The following PALMD variants were observed in gnomAD, a reference collection of about 807,000 sequenced individuals.
PALMD encodes the protein paralemmin-like protein.
PALMD carries 42 observed loss-of-function variants against 56.2 expected under a neutral mutation model. That is an observed-to-expected ratio of 0.75 (90% CI 0.58 to 0.97). The LOEUF is 0.97. Ranked by LOEUF, PALMD falls within the 50% of genes least tolerant of loss-of-function variation. PALMD has a pLI of 0.00. For synonymous variants in PALMD, 242 were observed against 222.9 expected, an observed-to-expected ratio of 1.09 and a Z score of -0.76; for missense variants, 660 against 643.8, an observed-to-expected ratio of 1.03 and a Z score of -0.27.
chr1:99,667,521 G>A lies in PALMD; in HGVS notation c.127-121G>A, dbSNP rs575074793. 5.4e-4 allele frequency: 449 copies of A among 824,006 alleles called. 3 individuals are homozygous for A. In the East Asian group the frequency reaches 9.9e-3, roughly 18 times the overall value. The allele number at this position is 824,006 out of a possible 1,614,324, so 51.0% of individuals were successfully genotyped here. A position where few individuals can be genotyped will look rare whatever the true frequency, so the allele number is the denominator to read the frequency against. ...ACCAGATTTATTCAGGCAAGGCACT[G>A]ACAGAAAATAATTCCTCTTTAACGT... On this transcript the variant is annotated intron_variant, in intron 2 of 7. Coordinates refer to ENST00000263174, the MANE Select transcript of PALMD (RefSeq NM_017734.5).
chr1:99,679,837 G>A (rs1004910040), intron 3 of PALMD, among the ~76,000 whole-genome samples: 1 of 152,132 alleles, frequency 6.6e-6, no homozygotes, highest in African/African-American at 2.4e-5. Context: ...ACTCTGGGCC[G>A]GTTGCCTTTC....
intron 2 of PALMD, 36 bp downstream of exon 2, chr1:99,662,435 G>T: frequency 8.3e-7 from 1 of 1,204,552 alleles, no homozygotes; most frequent in Non-Finnish European, 1.2e-6. Flanking sequence ...CAATGATTTT[G>T]TATTCAAAAA....
chr1:99,667,538 C>T, intron 2 of PALMD, 104 bp from the exon 3 acceptor site: 2 of 916,746 alleles, frequency 2.2e-6, no homozygotes, highest in Admixed American at 4.1e-5. Context: ...AATAATTCCT[C>T]TTTAACGTGT....
chr1:99,661,728 A>G (rs191175914), intron 1 of PALMD, among the ~76,000 whole-genome samples: 5 of 152,326 alleles, frequency 3.3e-5, no homozygotes, highest in Admixed American at 3.3e-4. Flanking sequence ...TTGGTGAAAG[A>G]TACAACATAT....
intron 1 of PALMD, 88 bp from the exon 2 acceptor site, chr1:99,662,231 C>T (rs979116768): frequency 4.2e-5 from 30 of 711,380 alleles, no homozygotes; most frequent in Non-Finnish European, 5.7e-5. Context: ...ATATCAGTAA[C>T]GGGCCATTCA....
chr1:99,689,575 A>G lies in PALMD; in HGVS notation c.1315A>G (p.Ile439Val), dbSNP rs776184302. The G allele has an allele frequency of 1.2e-6, 2 of 1,613,806 alleles. No individual in the cohort carries two copies. Among genetic ancestry groups the G allele is most frequent in the Admixed American group, 3.3e-5 (2 of 59,916 alleles). The change falls in exon 7 of 8, where the codon ATC becomes GTC. Residue 439 changes from isoleucine (I) to valine (V), a missense_variant. Ile to Val is a conservative substitution (Grantham distance 29, BLOSUM62 3). Transcript: ENST00000263174. ...DKKFLTGYDG[I>V]IHAELVVIDD... ...GAAGTTTCTGACAGGATATGATGGG[A>G]TCATCCATGCTGAGCTGGTTGTGAT...
chr1:99,681,508 AC>A (rs1653346618), intron 3 of PALMD, among the ~76,000 whole-genome samples: 1 of 152,156 alleles, frequency 6.6e-6, no homozygotes, highest in Non-Finnish European at 1.5e-5. Flanking sequence ...AGATACACAA[AC>A]GTATATGTAT....
intron 3 of PALMD, chr1:99,684,689 T>A (rs1021331110): frequency 2.6e-5 from 4 of 152,144 alleles, no homozygotes; most frequent in Admixed American, 2.0e-4. Flanking sequence ...TAATTTTTTT[T>A]AATATTTGTA....
intron 3 of PALMD, among the ~76,000 whole-genome samples, chr1:99,680,763 C>A (rs1373775769): frequency 1.3e-5 from 2 of 152,030 alleles, no homozygotes; most frequent in South Asian, 2.1e-4. Flanking sequence ...TGTATATACA[C>A]CCACACATAA....
chr1:99,692,925 A>G (rs962103471), intron 7 of PALMD, among the ~76,000 whole-genome samples: 1 of 152,200 alleles, frequency 6.6e-6, no homozygotes, highest in African/African-American at 2.4e-5. Flanking sequence ...ACTAGAACTG[A>G]TCATCCCTGT....
Position 99,688,870 on chromosome 1 carries a change from G to C in PALMD, c.610G>C (p.Gly204Arg), listed in dbSNP as rs142371450. 1.2e-6 allele frequency: 2 copies of C among 1,613,418 alleles called. No homozygotes were observed. The highest frequency in any genetic ancestry group is 4.5e-5 in the East Asian group (2 of 44,862). Residue 204 changes from glycine to arginine, a missense_variant, in exon 7 of 8, where the codon GGT becomes CGT. Gly to Arg is a moderately radical substitution (Grantham distance 125). Transcript: ENST00000263174. ...SIPLPSDDFKGTGIKVYDDGQ... is the reference protein window; with the variant it reads ...SIPLPSDDFKRTGIKVYDDGQ... ...ACCTCTGCCATCAGATGACTTTAAA[G>C]GTACAGGAATAAAAGTTTATGATGA...
At chr1:99,647,190 A>C (rs528834776) in intron 1 of PALMD, among the ~76,000 whole-genome samples, 4 of 152,268 alleles carry the variant, frequency 2.6e-5, no homozygotes, top group African/African-American at 9.6e-5. Flanking sequence ...CCTAGCTATA[A>C]CTTTTGATGT....
At position 99,689,247 on chromosome 1, in the gene PALMD, C is replaced by A; in HGVS notation, c.987C>A (p.Pro329=). ...HISPIPPVPH[P]RSVIQQAEEK... ...GTCCCATTCCGCCAGTGCCTCATCC[C>A]CGATCAGTGATTCAACAAGCAGAAG... Residue 329 remains proline, a synonymous_variant, in exon 7 of 8, where the codon CCC becomes CCA. Transcript: ENST00000263174. 1.2e-6 allele frequency: 2 copies of A among 1,613,580 alleles called. No individual in the cohort carries two copies. The highest frequency in any genetic ancestry group is 1.7e-6 in the Non-Finnish European group (2 of 1,179,830).
chr1:99,653,845 G>A (rs939420808), intron 1 of PALMD, among the ~76,000 whole-genome samples: 3 of 152,010 alleles, frequency 2.0e-5, no homozygotes, highest in African/African-American at 7.2e-5. Flanking sequence ...CATGACTCCT[G>A]CCACTGAAGC....
chr1:99,681,841 C>T (rs570766331), intron 3 of PALMD, among the ~76,000 whole-genome samples: 6 of 152,288 alleles, frequency 3.9e-5, no homozygotes, highest in Non-Finnish European at 5.9e-5. Context: ...GGAACAAAAT[C>T]GCCTCTGGTT....
intron 3 of PALMD, among the ~76,000 whole-genome samples, chr1:99,675,795 C>A (rs1333805329): frequency 1.3e-5 from 2 of 152,150 alleles, no homozygotes; most frequent in East Asian, 1.9e-4. Context: ...CCTCAATTTG[C>A]AAAATATTGT....
In PALMD at chr1:99,667,676, G is replaced by A; in HGVS notation, c.161G>A (p.Gly54Glu). The A allele has an allele frequency of 1.2e-6, 2 of 1,612,930 alleles. No homozygotes were observed. Among genetic ancestry groups the A allele is most frequent in the Non-Finnish European group, 1.7e-6 (2 of 1,179,068 alleles). The change falls in exon 3 of 8, where the codon GGA becomes GAA. Residue 54 changes from glycine (G) to glutamate (E), a missense_variant. Physicochemically the swap from Gly to Glu is moderately conservative, Grantham distance 98 (BLOSUM62 -2). Transcript: ENST00000263174. Reference protein sequence around the residue: ...KALREKWLLDGISSGKEQEEM... With the variant: ...KALREKWLLDEISSGKEQEEM... ...TTGAGGGAGAAATGGCTTCTAGATGGAATCAGCAGCGGAAAAGAACAGGAA... is the reference window on the plus strand; with the variant it reads ...TTGAGGGAGAAATGGCTTCTAGATGAAATCAGCAGCGGAAAAGAACAGGAA...
chr1:99,690,944 A>G (rs777440297), intron 7 of PALMD, among the ~76,000 whole-genome samples: 44 of 152,168 alleles, frequency 2.9e-4, no homozygotes, highest in Admixed American at 4.6e-4. Flanking sequence ...TAAGCCCAAT[A>G]TTAGGTAGCT....
At chr1:99,658,945 C>CA (rs762864867) in intron 1 of PALMD, among the ~76,000 whole-genome samples, 1,117 of 109,942 alleles carry the variant, frequency 0.01, 14 homozygotes, top group East Asian at 0.03. Flanking sequence ...GACGCTGTCT[C>CA]AAAAAAAAAA....
Sources: gnomAD v4.1 joint callset for allele counts (sites outside exome capture counted in the v4.1 genomes callset) on GRCh38, gnomAD v4.1.1 for gene constraint, MANE v1.5 for transcripts, NCBI Gene and HGNC (gene_info 2026-07-23, HGNC 2026-07-21) for gene names.